The following AKAP6 variants were observed in gnomAD, a reference collection of about 807,000 sequenced individuals.
AKAP6 encodes the protein A-kinase anchoring protein 6.
AKAP6 carries 58 observed loss-of-function variants against 188.5 expected under a neutral mutation model. The ratio of observed to expected loss-of-function variants is 0.31; its 90% CI spans 0.25 to 0.38. The LOEUF is 0.38. Ranked by LOEUF, AKAP6 falls within the 10% of genes least tolerant of loss-of-function variation. AKAP6 has a pLI of 1.00. For missense variants in AKAP6, 2,710 were observed against 2,740.0 expected, an observed-to-expected ratio of 0.99 and a Z score of 0.24; for synonymous variants, 989 against 998.6, an observed-to-expected ratio of 0.99 and a Z score of 0.18.
chr14:32,376,765 C>T (rs1294550093), intron 1 of AKAP6, among the ~76,000 whole-genome samples: 3 of 152,156 alleles, frequency 2.0e-5, no homozygotes, highest in Non-Finnish European at 4.4e-5. Context: ...GGCGCCATCT[C>T]GGCTCACTAC....
At chr14:32,801,292 A>G (rs953362885) in intron 12 of AKAP6, among the ~76,000 whole-genome samples, 3 of 151,844 alleles carry the variant, frequency 2.0e-5, no homozygotes, top group African/African-American at 4.8e-5. Context: ...TAATGTATCA[A>G]TTATATTTCT....
At chr14:32,684,308 A>G (rs757379421) in intron 8 of AKAP6, among the ~76,000 whole-genome samples, 3 of 152,224 alleles carry the variant, frequency 2.0e-5, no homozygotes, top group South Asian at 2.1e-4. Flanking sequence ...TTTTAAAACT[A>G]TAGGTAAGCA....
chr14:32,587,458 C>A (rs779773876), intron 5 of AKAP6, among the ~76,000 whole-genome samples: 27 of 152,072 alleles, frequency 1.8e-4, no homozygotes, highest in Non-Finnish European at 3.8e-4. Flanking sequence ...CTGGAAAGAC[C>A]AGTGTGTTCT....
intron 2 of AKAP6, among the ~76,000 whole-genome samples, chr14:32,458,989 C>A (rs930139896): frequency 6.6e-6 from 1 of 152,090 alleles, no homozygotes; most frequent in East Asian, 1.9e-4. Flanking sequence ...ACCCAGATAT[C>A]CATCGATTGG....
At chr14:32,500,599 G>T (rs1880562426) in intron 2 of AKAP6, among the ~76,000 whole-genome samples, 1 of 152,112 alleles carries the variant, frequency 6.6e-6, no homozygotes, top group Admixed American at 6.6e-5. Flanking sequence ...GCCAGTGTAG[G>T]TGCTAATACT....
At chr14:32,642,944 A>G (rs1343997899) in intron 7 of AKAP6, among the ~76,000 whole-genome samples, 2 of 152,326 alleles carry the variant, frequency 1.3e-5, no homozygotes, top group East Asian at 1.9e-4. Context: ...AATTGGCAAT[A>G]CAATTAGAGT....
At chr14:32,441,553 G>T (rs572938650) in intron 2 of AKAP6, among the ~76,000 whole-genome samples, 1 of 152,092 alleles carries the variant, frequency 6.6e-6, no homozygotes, top group African/African-American at 2.4e-5. Context: ...ATCATGATTT[G>T]GGGAGATGAT....
At chr14:32,575,928 T>G (rs1367053440) in intron 4 of AKAP6, among the ~76,000 whole-genome samples, 1 of 152,098 alleles carries the variant, frequency 6.6e-6, no homozygotes, top group African/African-American at 2.4e-5. Flanking sequence ...CAATTTGTGT[T>G]CCTGAGTGTT....
At chr14:32,528,743 T>A (rs546975929) in intron 2 of AKAP6, among the ~76,000 whole-genome samples, 5 of 152,148 alleles carry the variant, frequency 3.3e-5, no homozygotes, top group Non-Finnish European at 7.3e-5. Flanking sequence ...AATGGCGTGA[T>A]CTCGGCTCAC....
At chr14:32,655,399 T>G (rs1430476540) in intron 7 of AKAP6, among the ~76,000 whole-genome samples, 1 of 152,158 alleles carries the variant, frequency 6.6e-6, no homozygotes, top group Non-Finnish European at 1.5e-5. Flanking sequence ...AATCTCTTAG[T>G]AAATCTTTTT....
At chr14:32,776,620 G>A (rs1416790005) in intron 12 of AKAP6, among the ~76,000 whole-genome samples, 1 of 152,208 alleles carries the variant, frequency 6.6e-6, no homozygotes, top group Non-Finnish European at 1.5e-5. Context: ...GAATGAATGA[G>A]TACATGTGTT....
chr14:32,546,282 G>A lies in AKAP6; in HGVS notation c.1629G>A (p.Gly543=). The stretch of plus-strand genomic sequence containing the variant: ...CTTATACTTCCAAGGCCATAGAGGG[G>A]CCACAAACAAATTCTGCTTCCACAT... ...ELSYTSKAIE[G]PQTNSASTSS... The change falls in exon 4 of 14, where the codon GGG becomes GGA. Residue 543 remains glycine (G), a synonymous_variant. Transcript: ENST00000280979. 1.2e-6 allele frequency: 2 copies of A among 1,614,150 alleles called. No homozygotes were observed. Among genetic ancestry groups the A allele is most frequent in the Admixed American group, 1.7e-5 (1 of 60,016 alleles).
In AKAP6 at chr14:32,804,337, A is replaced by G. The variant is rs534744969; in HGVS notation, c.3589-17065A>G. 3.9e-5 allele frequency among the ~76,000 whole-genome samples: 6 copies of G among 152,358 alleles called. No individual in the cohort carries two copies. The South Asian group carries it at 1.2e-3, about 32-fold the overall frequency. On this transcript the variant is annotated intron_variant, in intron 12 of 13. Coordinates refer to ENST00000280979, the MANE Select transcript of AKAP6 (RefSeq NM_004274.5). ...CACATAACCTTTCTCATTGCAGGCC[A>G]GACCCTCCAAAGGGAGGAATTTTAC...
intron 7 of AKAP6, among the ~76,000 whole-genome samples, chr14:32,668,765 G>T (rs556505925): frequency 1.3e-5 from 2 of 152,026 alleles, no homozygotes; most frequent in African/African-American, 4.8e-5. Context: ...TTAGTTTTGT[G>T]ATTATGATTA....
chr14:32,811,474 A>G (rs979402513), intron 12 of AKAP6, among the ~76,000 whole-genome samples: 1 of 152,084 alleles, frequency 6.6e-6, no homozygotes, highest in Non-Finnish European at 1.5e-5. Context: ...GAGAATGAAG[A>G]CACAAGAGGC....
intron 7 of AKAP6, among the ~76,000 whole-genome samples, chr14:32,654,892 A>G (rs930839141): frequency 2.0e-5 from 3 of 152,018 alleles, no homozygotes; most frequent in Non-Finnish European, 2.9e-5. Flanking sequence ...ATTTTTACAC[A>G]ATATATAAAG....
intron 2 of AKAP6, among the ~76,000 whole-genome samples, chr14:32,489,631 G>C (rs1310685877): frequency 6.6e-6 from 1 of 152,198 alleles, no homozygotes. Flanking sequence ...AACTTTGCCA[G>C]AGAAAGGAAA....
intron 1 of AKAP6, among the ~76,000 whole-genome samples, chr14:32,390,965 C>T (rs1227379537): frequency 1.3e-5 from 2 of 152,072 alleles, no homozygotes; most frequent in South Asian, 2.1e-4. Context: ...TTAAACGTTG[C>T]ATTTGCTACT....
intron 4 of AKAP6, among the ~76,000 whole-genome samples, chr14:32,576,032 A>G (rs1373150652): frequency 6.6e-6 from 1 of 152,086 alleles, no homozygotes; most frequent in Non-Finnish European, 1.5e-5. Context: ...TTAAAGGTTT[A>G]TGAATCTTAA....
Sources: gnomAD v4.1 joint callset for allele counts (sites outside exome capture counted in the v4.1 genomes callset) on GRCh38, gnomAD v4.1.1 for gene constraint, MANE v1.5 for transcripts, NCBI Gene and HGNC (gene_info 2026-07-23, HGNC 2026-07-21) for gene names.